Variants in PALM observed in about 807,000 individuals in gnomAD.
The protein encoded by PALM is paralemmin.
Under a neutral mutation model 30.7 loss-of-function variants are expected in PALM, and 18 were observed. The ratio of observed to expected loss-of-function variants is 0.59; its 90% CI spans 0.41 to 0.87. The LOEUF is 0.87. PALM is among the 40% of genes least tolerant of loss of function. The probability of loss-of-function intolerance (pLI) is 0.00; values close to 1 mark genes in which losing one functional copy is unlikely to be tolerated. For synonymous variants in PALM, 286 were observed against 242.8 expected (o/e 1.18, Z -1.66); for missense variants, 529 against 555.4 (o/e 0.95, Z 0.48).
intron 1 of PALM, among the ~76,000 whole-genome samples, chr19:716,936 C>CTT (rs879839131): frequency 1.4e-5 from 2 of 146,130 alleles, no homozygotes; most frequent in African/African-American, 2.5e-5. Flanking sequence ...ACAGGGTGTA[C>CTT]TTTTTTTTTT....
Position 731,135 on chromosome 19 carries a change from G to A in PALM, c.310G>A (p.Ala104Thr), listed in dbSNP as rs144513487. ...EIEVLERGDS[A>T]PATAKENAAA... ...TGAGGTGCTGGAGCGTGGAGACTCC[G>A]CCCCAGCCACTGCCAAGGAGAACGC... The change falls in exon 5 of 9, where the codon GCC (alanine) becomes ACC (threonine). Residue 104 changes from alanine (A) to threonine (T), a missense_variant. Transcript: ENST00000338448. The A allele has an allele frequency of 4.3e-4, 688 of 1,604,264 alleles. 2 individuals carry two copies. The highest frequency in any genetic ancestry group is 5.4e-4 in the Non-Finnish European group (633 of 1,176,178).
At chr19:726,950 T>TGGGGGGGGGGGGGGGG in intron 2 of PALM, 58 bp from the exon 3 acceptor site, 1 of 864,348 alleles carries the variant, frequency 1.2e-6, no homozygotes, top group Non-Finnish European at 1.7e-6. Flanking sequence ...TGTGTGGGGG[T>TGGGGGGGGGGGGGGGG]GGGGGGGTCT....
At chr19:730,344 G>A (rs1446269502) in intron 4 of PALM, among the ~76,000 whole-genome samples, 6 of 152,312 alleles carry the variant, frequency 3.9e-5, no homozygotes, top group South Asian at 4.1e-4. Flanking sequence ...CTGAGCTGCC[G>A]TGAATGTCGC....
intron 5 of PALM, 131 bp downstream of exon 5, chr19:731,376 A>C (rs1393627101): frequency 1.5e-5 from 13 of 867,348 alleles, no homozygotes; most frequent in Non-Finnish European, 2.2e-5. Context: ...CTTGATTTCC[A>C]GCTCACCGGA....
chr19:728,161 C>T (rs956150413), intron 4 of PALM, among the ~76,000 whole-genome samples: 6 of 152,102 alleles, frequency 3.9e-5, no homozygotes, highest in Non-Finnish European at 7.4e-5. Flanking sequence ...CAGCTGGGCC[C>T]GCAGGAAGCT....
At chr19:740,968 CAAAAAAA>C (rs60937470) in intron 8 of PALM, among the ~76,000 whole-genome samples, 2,562 of 93,818 alleles carry the variant, frequency 0.027, 81 homozygotes, top group African/African-American at 0.089. Flanking sequence ...CCGTCTCTAC[CAAAAAAA>C]AAAAAAAAAA....
chr19:719,047 T>G, intron 1 of PALM: 3 of 437,142 alleles, frequency 6.9e-6, no homozygotes, highest in Non-Finnish European at 8.6e-6. Context: ...CCCCCCACAA[T>G]GGCCAAGGTC....
In PALM at chr19:746,506, G is replaced by A. The variant is rs199827121; in HGVS notation, c.856G>A (p.Gly286Ser). ...VQAQPGEATS[G>S]PPGIQPGQEP... ...GGCACAGCCAGGCGAGGCCACGTCCGGCCCGCCGGGGATCCAGCCCGGCCA... is the reference window on the plus strand; with the variant it reads ...GGCACAGCCAGGCGAGGCCACGTCCAGCCCGCCGGGGATCCAGCCCGGCCA... The change falls in exon 9 of 9, where the codon GGC becomes AGC. Residue 286 changes from glycine (G) to serine (S), a missense_variant. Physicochemically the swap from Gly to Ser is moderately conservative, Grantham distance 56 (BLOSUM62 0). Transcript: ENST00000338448. This position sits in a 1 kb window ranked among gnomAD's most constrained non-coding sequence, Gnocchi z 7.1. 211 of 1,612,236 alleles carry A rather than the reference G, an allele frequency of 1.3e-4. No homozygotes were observed. The highest frequency in any genetic ancestry group is 5.7e-4 in the South Asian group (52 of 91,022).
At chr19:719,040 C>T (rs946701416) in intron 1 of PALM, 31 of 873,012 alleles carry the variant, frequency 3.6e-5, no homozygotes, top group South Asian at 5.3e-5. Context: ...TCCCCCACCC[C>T]CCACAATGGC....
intron 2 of PALM, 78 bp from the exon 3 acceptor site, chr19:726,930 G>T: frequency 2.2e-6 from 2 of 919,412 alleles, no homozygotes; most frequent in Non-Finnish European, 1.7e-6. Context: ...GATCGGGCTG[G>T]GCAGAGCCTT....
rs759838751 is a variant in PALM at position 740,425 on chromosome 19, G to A, written c.576G>A (p.Thr192=). 16 of 1,554,352 alleles carry A rather than the reference G, an allele frequency of 1.0e-5. No homozygotes were observed. Among genetic ancestry groups the A allele is most frequent in the Middle Eastern group, 1.7e-4 (1 of 5,998 alleles). ...AGACCAGGGTGCTGTCCAGCACCACGCTGCTCCCTCGGCAGCCGCTCCCTC... is the reference window on the plus strand; with the variant it reads ...AGACCAGGGTGCTGTCCAGCACCACACTGCTCCCTCGGCAGCCGCTCCCTC... The part of the protein sequence containing the change: ...TGETRVLSST[T]LLPRQPLPLG... The change falls in exon 8 of 9, where the codon ACG becomes ACA. Residue 192 remains threonine, a synonymous_variant. Coordinates refer to ENST00000338448, the MANE Select transcript of PALM (RefSeq NM_002579.3).
intron 7 of PALM, among the ~76,000 whole-genome samples, chr19:738,623 C>T (rs543079186): frequency 1.5e-3 from 229 of 151,926 alleles, no homozygotes; most frequent in Non-Finnish European, 2.4e-3. Context: ...GTGTTATGGA[C>T]GTGTGAGAGT....
chr19:740,222 C>T (rs979039061), intron 7 of PALM, 130 bp from the exon 8 acceptor site: 4 of 895,110 alleles, frequency 4.5e-6, no homozygotes, highest in Non-Finnish European at 6.7e-6. Flanking sequence ...CCCAGGCATC[C>T]CCGGCTCCGC....
In PALM at chr19:742,009, G is replaced by A. The variant is rs543642016; in HGVS notation, c.634+1526G>A. On this transcript the variant is annotated intron_variant, in intron 8 of 8. Coordinates refer to ENST00000338448, the MANE Select transcript of PALM (RefSeq NM_002579.3). This position sits in a 1 kb window ranked among gnomAD's most constrained non-coding sequence, Gnocchi z 5.5. ...CCACAGGCATGAGTCACTGCACCCG[G>A]CCTCTTTTTCTTTTATGAGATATAA... Among the ~76,000 whole-genome samples, 2 of 152,230 alleles carry A rather than the reference G, an allele frequency of 1.3e-5. No individual in the cohort carries two copies. Among genetic ancestry groups the A allele is most frequent in the East Asian group, 1.9e-4 (1 of 5,176 alleles).
At chr19:713,518 G>A (rs10404390) in intron 1 of PALM, among the ~76,000 whole-genome samples, 134,102 of 152,230 alleles carry the variant, frequency 0.88, 59,253 homozygotes, top group African/African-American at 0.96. Flanking sequence ...CTCTGCCTCT[G>A]CCCATTAGCC....
At chr19:741,042 G>C (rs1424083251) in intron 8 of PALM, among the ~76,000 whole-genome samples, 1 of 151,992 alleles carries the variant, frequency 6.6e-6, no homozygotes, top group African/African-American at 2.4e-5. Flanking sequence ...GGGAGGCTGA[G>C]ATGGGAGGAT....
In PALM at chr19:726,995, G is replaced by GCCCCCCCCCCCC; in HGVS notation, c.58-10_58-9insCCCCCCCCCCCC. The GCCCCCCCCCCCC allele has an allele frequency of 1.3e-6, 1 of 753,608 alleles. No individual in the cohort carries two copies. Among genetic ancestry groups the GCCCCCCCCCCCC allele is most frequent in the Non-Finnish European group, 2.1e-6 (1 of 479,434 alleles). The allele number at this position is 753,608 out of a possible 1,614,324, so 46.7% of individuals were successfully genotyped here. A position where few individuals can be genotyped will look rare whatever the true frequency, so the allele number is the denominator to read the frequency against. On this transcript the variant is annotated splice_polypyrimidine_tract_variant and intron_variant, in intron 2 of 8. Coordinates refer to ENST00000338448, the MANE Select transcript of PALM (RefSeq NM_002579.3). The stretch of plus-strand genomic sequence containing the variant: ...CCACGCCCATCCCTGACCCCACCCG[G>GCCCCCCCCCCCC]CCCTCCCCACAGGAGAAGCGGAAGC...
intron 1 of PALM, among the ~76,000 whole-genome samples, chr19:715,935 C>T (rs1373776654): frequency 2.0e-5 from 3 of 152,014 alleles, no homozygotes; most frequent in African/African-American, 4.8e-5. Context: ...GGGTGGAGGG[C>T]GTCCTCTAGG....
chr19:745,021 C>T (rs1460560511), intron 8 of PALM, among the ~76,000 whole-genome samples: 2 of 148,034 alleles, frequency 1.4e-5, no homozygotes, highest in African/African-American at 5.0e-5. Context: ...CTCTACTAAA[C>T]GTACAAAAAT....
Sources: gnomAD v4.1 joint callset for allele counts (sites outside exome capture counted in the v4.1 genomes callset) on GRCh38, gnomAD v4.1.1 for gene constraint, Gnocchi (gnomAD v3.1) non-coding constraint, MANE v1.5 for transcripts, NCBI Gene and HGNC (gene_info 2026-07-23, HGNC 2026-07-21) for gene names.